Variants in AGBL4 observed in about 807,000 individuals in gnomAD.
AGBL4 encodes the protein cytosolic carboxypeptidase 6.
AGBL4 carries 58 observed loss-of-function variants against 66.4 expected under a neutral mutation model. That is an observed-to-expected ratio of 0.87 (90% CI 0.71 to 1.09). AGBL4 has a LOEUF of 1.09. Ranked by LOEUF, AGBL4 falls within the 50% of genes least tolerant of loss-of-function variation. AGBL4 has a pLI of 0.00. For missense variants in AGBL4, 579 were observed against 631.0 expected (o/e 0.92, Z 0.88); for synonymous variants, 234 against 222.9 (o/e 1.05, Z -0.44).
intron 5 of AGBL4, among the ~76,000 whole-genome samples, chr1:48,998,652 A>T (rs1422569794): frequency 6.6e-6 from 1 of 152,194 alleles, no homozygotes; most frequent in Non-Finnish European, 1.5e-5. Flanking sequence ...TGTGCAGATG[A>T]CAAAAATGCC....
chr1:48,666,834 T>C (rs75936003), intron 6 of AGBL4, among the ~76,000 whole-genome samples: 12,496 of 152,190 alleles, frequency 0.082, 1,675 homozygotes, highest in African/African-American at 0.28. Context: ...TTAAGTAATA[T>C]TTATGTAGCA....
chr1:48,536,504 T>C (rs1643973199), intron 12 of AGBL4, among the ~76,000 whole-genome samples: 1 of 152,238 alleles, frequency 6.6e-6, no homozygotes, highest in African/African-American at 2.4e-5. Context: ...TTGTTTGTTA[T>C]GTTTGCATTT....
At chr1:48,839,410 TC>T (rs147111565) in intron 6 of AGBL4, among the ~76,000 whole-genome samples, 4,745 of 152,128 alleles carry the variant, frequency 0.031, 128 homozygotes, top group Non-Finnish European at 0.049. Flanking sequence ...AAGAATGAAA[TC>T]CTGTCATTTG....
At chr1:48,677,203 GAC>G (rs1335680239) in intron 6 of AGBL4, among the ~76,000 whole-genome samples, 9 of 152,300 alleles carry the variant, frequency 5.9e-5, no homozygotes, top group African/African-American at 2.2e-4. Context: ...ATTTTTCTCA[GAC>G]ACAGTCTTTT....
rs548952292 is a variant in AGBL4, at chr1:49,471,591, G to T, written c.282+225722C>A. On this transcript the variant is annotated intron_variant, in intron 3 of 13. Transcript: ENST00000371839. ...GGTCAGTTCCATGGGTTTTCTTTTT[G>T]CCTCAAAGATGCAAGAATGGGTACT... Among the ~76,000 whole-genome samples the T allele has an allele frequency of 3.3e-5, 5 of 151,728 alleles. No homozygotes were observed. The South Asian group carries it at 1.0e-3, about 32-fold the overall frequency.
In AGBL4 at chr1:48,534,072, A is replaced by G. The variant is rs914527732; in HGVS notation, c.*101T>C. Reference sequence around the variant, plus strand: ...CTTCCCTTTCACTAGCCTATGCATTAATCCACAAATCCTTGGAAGCTAGAG... The same window carrying G: ...CTTCCCTTTCACTAGCCTATGCATTGATCCACAAATCCTTGGAAGCTAGAG... On this transcript the variant is annotated 3_prime_UTR_variant, in exon 14 of 14. Transcript: ENST00000371839. 10 of 1,516,912 alleles carry G rather than the reference A, an allele frequency of 6.6e-6. No homozygotes were observed. The highest frequency in any genetic ancestry group is 9.0e-6 in the Non-Finnish European group (10 of 1,116,238). The allele number at this position is 1,516,912 out of a possible 1,614,324, so 94.0% of individuals were successfully genotyped here. A position where few individuals can be genotyped will look rare whatever the true frequency, so the allele number is the denominator to read the frequency against.
chr1:49,298,265 G>A (rs1453594870), intron 3 of AGBL4, among the ~76,000 whole-genome samples: 3 of 152,176 alleles, frequency 2.0e-5, no homozygotes, highest in African/African-American at 4.8e-5. Flanking sequence ...GGCCCAGGAG[G>A]AGAATGGGCT....
At chr1:49,859,702 C>T (rs1338380568) in intron 1 of AGBL4, among the ~76,000 whole-genome samples, 1 of 151,886 alleles carries the variant, frequency 6.6e-6, no homozygotes, top group African/African-American at 2.4e-5. Context: ...GTATTGTTTA[C>T]TAGATAAGGA....
At chr1:48,747,431 C>T (rs1337446105) in intron 6 of AGBL4, among the ~76,000 whole-genome samples, 1 of 152,118 alleles carries the variant, frequency 6.6e-6, no homozygotes, top group Non-Finnish European at 1.5e-5. Flanking sequence ...ATCACACAAC[C>T]CCTGACTGCA....
chr1:49,229,300 T>G (rs1352184676), intron 4 of AGBL4, among the ~76,000 whole-genome samples: 1 of 152,210 alleles, frequency 6.6e-6, no homozygotes, highest in African/African-American at 2.4e-5. Flanking sequence ...TGTCTACATC[T>G]AACAAAAGTA....
At chr1:48,612,233 C>A (rs533785672) in intron 9 of AGBL4, among the ~76,000 whole-genome samples, 3 of 152,248 alleles carry the variant, frequency 2.0e-5, no homozygotes, top group African/African-American at 7.2e-5. Flanking sequence ...CCAGATCTTA[C>A]GCTAGGTGCT....
At chr1:50,015,004 C>T (rs148810820) in intron 1 of AGBL4, among the ~76,000 whole-genome samples, 1 of 152,280 alleles carries the variant, frequency 6.6e-6, no homozygotes, top group Non-Finnish European at 1.5e-5. Context: ...GAAATATAGT[C>T]TTTAGCTCTG....
chr1:49,217,878 A>C (rs1421610675), intron 4 of AGBL4, among the ~76,000 whole-genome samples: 1 of 152,126 alleles, frequency 6.6e-6, no homozygotes, highest in African/African-American at 2.4e-5. Flanking sequence ...TAGTGTGGGA[A>C]GAGATCTTAA....
At chr1:48,574,285 G>C (rs192555291) in intron 11 of AGBL4, among the ~76,000 whole-genome samples, 2 of 152,086 alleles carry the variant, frequency 1.3e-5, no homozygotes. Context: ...GCTGAGACTG[G>C]TCCTGGCTTA....
chr1:49,026,081 G>C (rs1663658462), intron 5 of AGBL4, among the ~76,000 whole-genome samples: 1 of 152,076 alleles, frequency 6.6e-6, no homozygotes, highest in Admixed American at 6.6e-5. Flanking sequence ...GATCTGGCTT[G>C]GGATGGTTTT....
Position 50,009,747 on chromosome 1 carries a change from T to C in AGBL4, c.34+14016A>G, listed in dbSNP as rs1297118260. Among the ~76,000 whole-genome samples, 5 of 151,966 alleles carry C rather than the reference T, an allele frequency of 3.3e-5. No individual in the cohort carries two copies. In the South Asian group the frequency reaches 1.0e-3, roughly 32 times the overall value. On this transcript the variant is annotated intron_variant, in intron 1 of 13. Coordinates refer to ENST00000371839, the MANE Select transcript of AGBL4 (RefSeq NM_032785.4). ...ATTATTGTTTGTAGATGATCTTGTA[T>C]TTGAAAAAAATCTAAAGATTCCATC...
chr1:48,731,970 G>A lies in AGBL4; in HGVS notation c.635-68729C>T, dbSNP rs184172723. Among the ~76,000 whole-genome samples, 1,075 of 152,270 alleles carry A rather than the reference G, an allele frequency of 7.1e-3. 9 individuals are homozygous for A. The highest frequency in any genetic ancestry group is 0.011 in the Non-Finnish European group (768 of 68,020). ...TGCCAGAGTAATGGAGGGGAGAAATGAGTGTGGGCTATGAGAAGGGCAGTA... is the reference window on the plus strand; with the variant it reads ...TGCCAGAGTAATGGAGGGGAGAAATAAGTGTGGGCTATGAGAAGGGCAGTA... On this transcript the variant is annotated intron_variant, in intron 6 of 13. Transcript: ENST00000371839.
intron 4 of AGBL4, among the ~76,000 whole-genome samples, chr1:49,194,737 C>CT (rs986349337): frequency 5.3e-5 from 8 of 151,710 alleles, no homozygotes; most frequent in African/African-American, 1.7e-4. Context: ...ACACAGTTTA[C>CT]TTTTTTGTGG....
chr1:48,962,372 C>G (rs2148941815), intron 5 of AGBL4, among the ~76,000 whole-genome samples: 1 of 152,250 alleles, frequency 6.6e-6, no homozygotes, highest in South Asian at 2.1e-4. Context: ...TGCACATTTT[C>G]CTACTCCTTT....
Sources: allele counts gnomAD v4.1 joint callset (sites outside exome capture counted in the v4.1 genomes callset), GRCh38; gene constraint gnomAD v4.1.1; transcripts MANE v1.5; gene names NCBI Gene and HGNC (gene_info 2026-07-23, HGNC 2026-07-21).